APLF: variants seen among roughly 807,000 people sequenced by gnomAD.
The protein encoded by APLF is aprataxin and PNKP like factor.
APLF carries 61 observed loss-of-function variants against 55.6 expected under a neutral mutation model. The ratio of observed to expected loss-of-function variants is 1.10; its 90% confidence interval spans 0.89 to 1.36. The LOEUF (loss-of-function observed/expected upper bound fraction) is 1.36. Ranked by LOEUF, APLF falls within the 40% of genes most tolerant of loss-of-function variation. The pLI is 0.00. For missense variants in APLF, 611 were observed against 602.5 expected (o/e 1.01, Z -0.15); for synonymous variants, 207 against 214.8 (o/e 0.96, Z 0.32).
rs751165046 is a variant in APLF, at chr2:68,513,822, A to G, written c.622+142A>G. The G allele has an allele frequency of 1.7e-5, 15 of 908,302 alleles. No individual in the cohort carries two copies. In the South Asian group the frequency reaches 3.2e-4, roughly 19 times the overall value. 56.3% of individuals were successfully genotyped at this position (908,302 alleles called of 1,614,324 possible). On this transcript the variant is annotated intron_variant, in intron 5 of 9. Coordinates refer to ENST00000303795, the MANE Select transcript of APLF (RefSeq NM_173545.3). Reference sequence around the variant, plus strand: ...GTGTATAGCCTAGCCTAGTTTTTTTAGTTGTGAACATGAAGTCTAAAACAT... The same window carrying G: ...GTGTATAGCCTAGCCTAGTTTTTTTGGTTGTGAACATGAAGTCTAAAACAT...
At chr2:68,528,683 A>T in intron 6 of APLF, 1 of 1,510,494 alleles carries the variant, frequency 6.6e-7, no homozygotes, top group Non-Finnish European at 8.9e-7. Flanking sequence ...GGCAGGGAGC[A>T]CTGTTGGAAG....
At chr2:68,570,056 C>A (rs1008746977) in intron 9 of APLF, among the ~76,000 whole-genome samples, 1 of 151,886 alleles carries the variant, frequency 6.6e-6, no homozygotes, top group African/African-American at 2.4e-5. Context: ...ATTTGTAATA[C>A]CCCTAAAACA....
chr2:68,516,479 G>C (rs1669581939), intron 5 of APLF, among the ~76,000 whole-genome samples: 1 of 150,888 alleles, frequency 6.6e-6, no homozygotes, highest in African/African-American at 2.4e-5. Context: ...GAAACAGGTG[G>C]TGTTTGGTTA....
intron 3 of APLF, among the ~76,000 whole-genome samples, chr2:68,509,202 A>C (rs900345924): frequency 3.3e-5 from 5 of 152,152 alleles, no homozygotes; most frequent in South Asian, 2.1e-4. Flanking sequence ...AATGGTAACA[A>C]AAGCCAAAAT....
chr2:68,573,034 T>C (rs894294474), intron 9 of APLF, among the ~76,000 whole-genome samples: 3 of 152,230 alleles, frequency 2.0e-5, no homozygotes, highest in Admixed American at 6.5e-5. Context: ...GTCATTCTCA[T>C]ATTACAAATT....
At chr2:68,549,274 A>G (rs1261730001) in intron 8 of APLF, among the ~76,000 whole-genome samples, 3 of 152,076 alleles carry the variant, frequency 2.0e-5, no homozygotes, top group Admixed American at 6.6e-5. Context: ...TCAGGATGTC[A>G]TTAATCACAT....
chr2:68,574,080 TA>T (rs74533891), intron 9 of APLF, among the ~76,000 whole-genome samples: 1,755 of 129,332 alleles, frequency 0.014, 12 homozygotes, highest in African/African-American at 0.033. Flanking sequence ...TAACCCAAAT[TA>T]AAAAAAAAAA....
At position 68,578,681 on chromosome 2, in the gene APLF, T is replaced by TA; in HGVS notation, c.*663dup. ...CTGCAATTTACTGTATGTTTGAATT[T>TA]AAAAGTAAAAAAACTCAAAAAACTT... On this transcript the variant is annotated 3_prime_UTR_variant, in exon 10 of 10. Transcript: ENST00000303795. 2.0e-6 allele frequency: 2 copies of TA among 985,356 alleles called. No individual in the cohort carries two copies. The highest frequency in any genetic ancestry group is 2.4e-6 in the Non-Finnish European group (2 of 829,880). The allele number at this position is 985,356 out of a possible 1,614,324, so 61.0% of individuals were successfully genotyped here.
At chr2:68,494,866 G>GTA (rs1246275612) in intron 2 of APLF, among the ~76,000 whole-genome samples, 1 of 152,014 alleles carries the variant, frequency 6.6e-6, no homozygotes, top group Non-Finnish European at 1.5e-5. Flanking sequence ...GTATTCCATG[G>GTA]TATATATATA....
chr2:68,504,515 A>G (rs1393136224), intron 3 of APLF, among the ~76,000 whole-genome samples: 1 of 151,970 alleles, frequency 6.6e-6, no homozygotes, highest in African/African-American at 2.4e-5. Flanking sequence ...ATAACAGACT[A>G]AAGAACTATC....
chr2:68,541,871 A>G (rs1359253119), intron 7 of APLF, among the ~76,000 whole-genome samples: 1 of 152,210 alleles, frequency 6.6e-6, no homozygotes, highest in Non-Finnish European at 1.5e-5. Flanking sequence ...GAGGTCTCAC[A>G]CTTCCTGATT....
rs188275002 is a variant in APLF, at chr2:68,486,389, C to T, written c.97-3801C>T. Reference sequence around the variant, plus strand: ...TACCTGGTTCCACATATTTTTATGCCTCTCTTTTGGATTCTCTATTAGCTT... The same window carrying T: ...TACCTGGTTCCACATATTTTTATGCTTCTCTTTTGGATTCTCTATTAGCTT... On this transcript the variant is annotated intron_variant, in intron 1 of 9. Coordinates refer to ENST00000303795, the MANE Select transcript of APLF (RefSeq NM_173545.3). Among the ~76,000 whole-genome samples the T allele has an allele frequency of 6.5e-3, 994 of 152,124 alleles. 10 individuals are homozygous for T. The highest frequency in any genetic ancestry group is 0.023 in the African/African-American group (946 of 41,454).
intron 9 of APLF, among the ~76,000 whole-genome samples, chr2:68,570,006 A>G (rs1671408877): frequency 6.6e-6 from 1 of 152,160 alleles, no homozygotes; most frequent in South Asian, 2.1e-4. Flanking sequence ...TAGTGCCAAC[A>G]TTAAAATAAC....
chr2:68,500,783 C>T (rs911393755), intron 2 of APLF, among the ~76,000 whole-genome samples: 4 of 152,150 alleles, frequency 2.6e-5, no homozygotes, highest in South Asian at 2.1e-4. Context: ...AGGGAGCCTT[C>T]GCCCAAAAGG....
intron 1 of APLF, among the ~76,000 whole-genome samples, chr2:68,488,329 CTTT>C (rs60462016): frequency 2.5e-4 from 32 of 128,840 alleles, no homozygotes; most frequent in African/African-American, 6.5e-4. Flanking sequence ...CATTTATTAT[CTTT>C]TTTTTTTTTT....
chr2:68,524,611 G>A (rs1024255497), intron 5 of APLF, among the ~76,000 whole-genome samples: 10 of 152,190 alleles, frequency 6.6e-5, no homozygotes, highest in Admixed American at 2.0e-4. Flanking sequence ...GAAAAAGTTT[G>A]CTAATCCCTG....
intron 1 of APLF, among the ~76,000 whole-genome samples, chr2:68,479,294 A>C (rs1452168208): frequency 6.6e-6 from 1 of 152,248 alleles, no homozygotes; most frequent in East Asian, 1.9e-4. Flanking sequence ...AAAAGTCATG[A>C]AAGCCATCAA....
Position 68,526,242 on chromosome 2 carries a change from G to A in APLF, c.804G>A (p.Lys268=). The A allele has an allele frequency of 6.3e-7, 1 of 1,595,978 alleles. No individual in the cohort carries two copies. The highest frequency in any genetic ancestry group is 8.5e-7 in the Non-Finnish European group (1 of 1,173,968). Residue 268 remains lysine, a splice_region_variant and synonymous_variant, in exon 6 of 10, where the codon AAG becomes AAA. Transcript: ENST00000303795. The part of the protein sequence containing the change: ...TDQEESTISS[K]EMPQSFSAIT... ...AGGAAGAGTCTACCATTTCATCCAA[G>A]GTGATTTTAAAAAATTCATTATTTG...
chr2:68,559,381 A>G (rs6711733), intron 8 of APLF, among the ~76,000 whole-genome samples: 12,778 of 151,990 alleles, frequency 0.084, 599 homozygotes, highest in Middle Eastern at 0.12. Context: ...TTCTGTTCTT[A>G]TTTCTTAGGC....
Sources: allele counts gnomAD v4.1 joint callset (sites outside exome capture counted in the v4.1 genomes callset), GRCh38; gene constraint gnomAD v4.1.1; transcripts MANE v1.5; gene names NCBI Gene and HGNC (gene_info 2026-07-23, HGNC 2026-07-21).